FUS: variants seen among roughly 807,000 people sequenced by gnomAD.
FUS encodes the protein RNA-binding protein FUS.
A neutral mutation model predicts 82.7 loss-of-function variants in FUS; 5 were observed. The observed-to-expected ratio is 0.06, with a 90% CI of 0.03 to 0.13. The LOEUF is 0.13. Among genes scored for constraint, FUS ranks in the 10% least tolerant of loss-of-function variants. The pLI is 1.00. For synonymous variants in FUS, 281 were observed against 247.4 expected (o/e 1.14, Z -1.27); for missense variants, 512 against 707.8 (o/e 0.72, Z 3.14).
At chr16:31,185,720 G>T in intron 6 of FUS, 1 of 393,022 alleles carries the variant, frequency 2.5e-6, no homozygotes, top group Non-Finnish European at 5.2e-6. Context: ...TGGTTTATGG[G>T]GCCAGCTGAC....
intron 3 of FUS, chr16:31,183,279 T>TA (rs545467315): frequency 0.043 from 6,811 of 157,690 alleles, 233 homozygotes; most frequent in African/African-American, 0.11. Flanking sequence ...CTCAAAAACA[T>TA]AAAAAAAAAA....
rs757651881 is a variant in FUS at position 31,185,099 on chromosome 16, CGGTGGT to C, written c.688_693del (p.Gly230_Gly231del). The C allele has an allele frequency of 5.0e-6, 8 of 1,601,764 alleles. No individual in the cohort carries two copies. The African/African-American group carries it at 5.4e-5, about 11-fold the overall frequency. On this transcript the variant is annotated inframe_deletion, in exon 6 of 15. Transcript: ENST00000254108. The stretch of plus-strand genomic sequence containing the variant: ...GCAGTGGTGGCGGCGGCGGCGGCGG[CGGTGGT>C]GGTTACAACCGCAGCAGTGGTGGCT...
Position 31,191,591 on chromosome 16 carries a change from A to T in FUS, c.*153A>T, listed in dbSNP as rs1186324218. On this transcript the variant is annotated 3_prime_UTR_variant, in exon 15 of 15. Coordinates refer to ENST00000254108, the MANE Select transcript of FUS (RefSeq NM_004960.4). ...ATACCTCTGGTTCCCATTAAAAGTG[A>T]CCATTTTAGTTAAATTTTGTTCCTC... 1.2e-6 allele frequency: 1 copy of T among 851,938 alleles called. No individual in the cohort carries two copies. Among genetic ancestry groups the T allele is most frequent in the South Asian group, 1.4e-5 (1 of 70,654 alleles). The allele number at this position is 851,938 out of a possible 1,614,324, so 52.8% of individuals were successfully genotyped here. A position where few individuals can be genotyped will look rare whatever the true frequency, so the allele number is the denominator to read the frequency against.
At position 31,184,233 on chromosome 16, in the gene FUS, C is replaced by T. The variant is rs1298512449; in HGVS notation, c.360C>T (p.Ser120=). ...GTTACGGTAGCAGTTCTCAGAGCAG[C>T]AGCTATGGGCAGCCCCAGAGTGGGA... ...SGSYGSSSQS[S]SYGQPQSGSY... The change falls in exon 5 of 15, where the codon AGC becomes AGT. Residue 120 remains serine (S), a synonymous_variant. Transcript: ENST00000254108. The T allele has an allele frequency of 1.9e-6, 3 of 1,614,014 alleles. No homozygotes were observed. The highest frequency in any genetic ancestry group is 1.7e-5 in the Admixed American group (1 of 60,000).
intron 1 of FUS, 139 bp downstream of exon 1, chr16:31,180,366 AG>A: frequency 1.8e-6 from 2 of 1,095,154 alleles, no homozygotes; most frequent in Non-Finnish European, 1.3e-6. Context: ...CGCGGAGAAG[AG>A]TAACTGGAGG....
In FUS at chr16:31,184,236, C is replaced by G; in HGVS notation, c.363C>G (p.Ser121Arg). ...GSYGSSSQSS[S>R]YGQPQSGSYS... ...ACGGTAGCAGTTCTCAGAGCAGCAG[C>G]TATGGGCAGCCCCAGAGTGGGAGCT... Residue 121 changes from serine (S) to arginine (R), a missense_variant, in exon 5 of 15, where the codon AGC (serine) becomes AGG (arginine). Physicochemically the swap from Ser to Arg is moderately radical, Grantham distance 110. Coordinates refer to ENST00000254108, the MANE Select transcript of FUS (RefSeq NM_004960.4). 6.2e-7 allele frequency: 1 copy of G among 1,614,142 alleles called. No homozygotes were observed. The highest frequency in any genetic ancestry group is 8.5e-7 in the Non-Finnish European group (1 of 1,180,018).
intron 13 of FUS, 36 bp downstream of exon 13, chr16:31,190,878 C>A (rs765209737): frequency 6.2e-7 from 1 of 1,612,910 alleles, no homozygotes; most frequent in Non-Finnish European, 8.5e-7. Context: ...GGAGCTGGGA[C>A]CAAAGAATCC....
chr16:31,188,247 G>A lies in FUS; in HGVS notation c.800-78G>A, dbSNP rs934751934. ...TTGGTGTTAATTTTTTTCCTTGTCC[G>A]TTTTTTCCTGTTGACTAACGGCTCA... On this transcript the variant is annotated intron_variant, in intron 7 of 14. Coordinates refer to ENST00000254108, the MANE Select transcript of FUS (RefSeq NM_004960.4). The A allele has an allele frequency of 2.6e-5, 39 of 1,500,990 alleles. No homozygotes were observed. The South Asian group carries it at 3.2e-4, about 12-fold the overall frequency. 93.0% of individuals were successfully genotyped at this position (1,500,990 alleles called of 1,614,324 possible).
Position 31,191,090 on chromosome 16 carries a change from C to T in FUS, c.1521C>T (p.Gly507=), listed in dbSNP as rs2079350550. ...GTGGTGGGGACAGAGGTGGCTTTGG[C>T]CCTGGCAAGATGGATTCCAGGTAAG... ...GRGGGDRGGF[G]PGKMDSRGEH... Residue 507 remains glycine (G), a synonymous_variant, in exon 14 of 15, where the codon GGC becomes GGT. Coordinates refer to ENST00000254108, the MANE Select transcript of FUS (RefSeq NM_004960.4). 1 of 1,612,646 alleles carries T rather than the reference C, an allele frequency of 6.2e-7. No individual in the cohort carries two copies. The highest frequency in any genetic ancestry group is 8.5e-7 in the Non-Finnish European group (1 of 1,179,982).
rs756928637 is a variant in FUS, at chr16:31,191,502, T to C, written c.*64T>C. The stretch of plus-strand genomic sequence containing the variant: ...CTGTACCCAGTGTTACCCTCGTTAT[T>C]TTGTAACCTTCCAATTCCTGATCAC... On this transcript the variant is annotated 3_prime_UTR_variant, in exon 15 of 15. Transcript: ENST00000254108. 3.9e-6 allele frequency: 6 copies of C among 1,555,456 alleles called. No individual in the cohort carries two copies. Among genetic ancestry groups the C allele is most frequent in the Non-Finnish European group, 5.3e-6 (6 of 1,127,138 alleles).
chr16:31,182,051 G>A, intron 1 of FUS, among the ~76,000 whole-genome samples: 1 of 151,792 alleles, frequency 6.6e-6, no homozygotes, highest in East Asian at 1.9e-4. Flanking sequence ...TGCCAGGCTG[G>A]AGTGCAATGG....
intron 5 of FUS, 41 bp downstream of exon 5, chr16:31,184,437 T>C (rs1050249636): frequency 2.0e-6 from 3 of 1,511,784 alleles, no homozygotes; most frequent in African/African-American, 1.5e-5. Flanking sequence ...ATTTTCTTTT[T>C]CTTTTTTTTT....
At chr16:31,187,106 C>A in intron 7 of FUS, 1 of 539,238 alleles carries the variant, frequency 1.9e-6, no homozygotes, top group Non-Finnish European at 3.4e-6. Flanking sequence ...TGGGCCGTTG[C>A]CACACCTGGC....
downstream of FUS, chr16:31,193,090 C>T (rs2079382171): frequency 4.1e-6 from 2 of 483,738 alleles, no homozygotes; most frequent in Non-Finnish European, 8.2e-6. Context: ...CAGGCATGCG[C>T]CACCATGCCC....
At chr16:31,184,656 G>T (rs568817379) in intron 5 of FUS, among the ~76,000 whole-genome samples, 2 of 152,088 alleles carry the variant, frequency 1.3e-5, no homozygotes, top group Non-Finnish European at 1.5e-5. Context: ...TGTTAGCCAG[G>T]ATGGTTTCGA....
intron 3 of FUS, chr16:31,183,577 G>A: frequency 2.1e-6 from 1 of 467,468 alleles, no homozygotes; most frequent in South Asian, 2.1e-5. Context: ...TTACAGTGCT[G>A]TTAACAGGGA....
At chr16:31,182,454 T>C in intron 2 of FUS, 32 bp downstream of exon 2, 1 of 1,614,178 alleles carries the variant, frequency 6.2e-7, no homozygotes, top group African/African-American at 1.3e-5. Flanking sequence ...CCAGAGTTTG[T>C]AGAGGGCAAG....
rs138901914 is a variant in FUS at position 31,191,423 on chromosome 16, G to A, written c.1566G>A (p.Arg522=). Residue 522 remains arginine, a synonymous_variant, in exon 15 of 15, where the codon AGG becomes AGA. Transcript: ENST00000254108. The part of the protein sequence containing the change: ...DSRGEHRQDR[R]ERPY ...GGGGTGAGCACAGACAGGATCGCAG[G>A]GAGAGGCCGTATTAATTAGCCTGGC... 2,801 of 1,613,152 alleles carry A rather than the reference G, an allele frequency of 1.7e-3. 8 individuals are homozygous for A. Among genetic ancestry groups the A allele is most frequent in the South Asian group, 3.5e-3 (322 of 91,018 alleles).
chr16:31,194,418 A>G, downstream of FUS: 1 of 509,424 alleles, frequency 2.0e-6, no homozygotes, highest in African/African-American at 1.9e-5. Context: ...CCTCTGGAGT[A>G]GCTGGGACGG....
Sources: gnomAD v4.1 joint callset for allele counts (sites outside exome capture counted in the v4.1 genomes callset) on GRCh38, gnomAD v4.1.1 for gene constraint, MANE v1.5 for transcripts, NCBI Gene and HGNC (gene_info 2026-07-23, HGNC 2026-07-21) for gene names.